CDH12: variants seen among roughly 807,000 people sequenced by gnomAD.
CDH12 encodes the protein cadherin-12.
Under a neutral mutation model 74.1 loss-of-function variants are expected in CDH12, and 41 were observed. The ratio of observed to expected loss-of-function variants is 0.55; its 90% CI spans 0.43 to 0.72. The LOEUF (loss-of-function observed/expected upper bound fraction) is 0.72. Ranked by LOEUF, CDH12 falls within the 30% of genes least tolerant of loss-of-function variation. The pLI is 0.00. For synonymous variants in CDH12, 399 were observed against 355.0 expected, an observed-to-expected ratio of 1.12 and a Z score of -1.39; for missense variants, 945 against 977.2, an observed-to-expected ratio of 0.97 and a Z score of 0.44.
At chr5:22,723,385 T>TA (rs1236810149) in intron 1 of CDH12, among the ~76,000 whole-genome samples, 2 of 152,136 alleles carry the variant, frequency 1.3e-5, no homozygotes, top group African/African-American at 2.4e-5. Context: ...TGCATTTCTG[T>TA]AATGTGCCCA....
intron 1 of CDH12, among the ~76,000 whole-genome samples, chr5:22,736,220 T>C (rs1744711796): frequency 6.6e-6 from 1 of 151,838 alleles, no homozygotes; most frequent in African/African-American, 2.4e-5. Context: ...TTTAAACCAT[T>C]AATTAATTAG....
At chr5:22,733,824 C>T (rs889607954) in intron 1 of CDH12, among the ~76,000 whole-genome samples, 9 of 151,830 alleles carry the variant, frequency 5.9e-5, no homozygotes, top group Middle Eastern at 3.2e-3. Flanking sequence ...CTTATTTTAG[C>T]CTCTTCTTTC....
chr5:22,566,914 T>A lies in CDH12; in HGVS notation c.-522-61550A>T, dbSNP rs138225226. On this transcript the variant is annotated intron_variant, in intron 1 of 14. Transcript: ENST00000382254. The stretch of plus-strand genomic sequence containing the variant: ...TCATGTGCTGTACATTCTATAGAGA[T>A]TTTGTAAGTAAGAAAGGCTTCTGAA... Among the ~76,000 whole-genome samples the A allele has an allele frequency of 6.5e-3, 996 of 152,186 alleles. 22 individuals are homozygous for A. Among genetic ancestry groups the A allele is most frequent in the Admixed American group, 0.048 (739 of 15,290 alleles).
intron 6 of CDH12, among the ~76,000 whole-genome samples, chr5:21,959,636 G>A (rs1417878654): frequency 6.6e-6 from 1 of 151,618 alleles, no homozygotes; most frequent in African/African-American, 2.4e-5. Flanking sequence ...GGGGCCGGGA[G>A]TGGTGGCTCA....
intron 3 of CDH12, among the ~76,000 whole-genome samples, chr5:22,262,588 G>C (rs1580458364): frequency 6.6e-6 from 1 of 150,972 alleles, no homozygotes; most frequent in Admixed American, 6.6e-5. Flanking sequence ...GTGTGCATGT[G>C]TCTTTATAGC....
intron 1 of CDH12, among the ~76,000 whole-genome samples, chr5:22,603,623 G>A (rs1736954763): frequency 6.6e-6 from 1 of 152,122 alleles, no homozygotes. Context: ...AGAAGGCAAG[G>A]AAAGAAATGG....
At chr5:22,186,749 G>A (rs2150342270) in intron 4 of CDH12, among the ~76,000 whole-genome samples, 1 of 152,298 alleles carries the variant, frequency 6.6e-6, no homozygotes, top group South Asian at 2.1e-4. Context: ...GGGATTACAA[G>A]TGTGAGTCAC....
intron 8 of CDH12, among the ~76,000 whole-genome samples, chr5:21,826,337 C>T (rs1036254878): frequency 6.6e-6 from 1 of 152,176 alleles, no homozygotes; most frequent in African/African-American, 2.4e-5. Context: ...ACTCTCTCAG[C>T]AAGTAGTATT....
intron 1 of CDH12, among the ~76,000 whole-genome samples, chr5:22,816,449 G>A (rs140400421): frequency 5.7e-4 from 87 of 152,096 alleles, no homozygotes; most frequent in Middle Eastern, 3.4e-3. Context: ...TAATCAATGA[G>A]ACTGAAAAGG....
intron 1 of CDH12, among the ~76,000 whole-genome samples, chr5:22,830,688 A>G (rs1312649383): frequency 3.3e-5 from 5 of 151,658 alleles, no homozygotes; most frequent in African/African-American, 1.2e-4. Context: ...ATCATTTTTC[A>G]AATTGCCTTT....
intron 10 of CDH12, among the ~76,000 whole-genome samples, chr5:21,800,503 A>G (rs539691281): frequency 5.9e-5 from 9 of 152,266 alleles, no homozygotes; most frequent in East Asian, 3.9e-4. Flanking sequence ...AAGGGACTCT[A>G]GAGAGAGCTC....
chr5:22,413,769 T>A, intron 2 of CDH12, among the ~76,000 whole-genome samples: 1 of 152,036 alleles, frequency 6.6e-6, no homozygotes, highest in Non-Finnish European at 1.5e-5. Flanking sequence ...TTCTGCTATT[T>A]TATTTACTTT....
rs548175726 is a variant in CDH12, at chr5:22,760,399, G to A, written c.-523+92659C>T. On this transcript the variant is annotated intron_variant, in intron 1 of 14. Coordinates refer to ENST00000382254, the MANE Select transcript of CDH12 (RefSeq NM_004061.5). ...TAGGTATTTGAAAAAAGCGTAAATG[G>A]GCCGGGCGCGGTGGCTCCCGCCTGT... is the stretch of plus-strand genomic sequence containing the variant. Among the ~76,000 whole-genome samples, 347 of 152,150 alleles carry A rather than the reference G, an allele frequency of 2.3e-3. 3 individuals carry two copies. Among genetic ancestry groups the A allele is most frequent in the African/African-American group, 8.1e-3 (337 of 41,548 alleles).
chr5:21,963,290 C>A (rs1244451227), intron 6 of CDH12, among the ~76,000 whole-genome samples: 1 of 152,018 alleles, frequency 6.6e-6, no homozygotes, highest in Non-Finnish European at 1.5e-5. Context: ...TGGCTCTTGT[C>A]CCTCTACCCC....
At chr5:22,185,796 A>C (rs1171178767) in intron 4 of CDH12, among the ~76,000 whole-genome samples, 2 of 152,152 alleles carry the variant, frequency 1.3e-5, no homozygotes, top group African/African-American at 4.8e-5. Flanking sequence ...AATCAGTTCC[A>C]TTTACATTTA....
chr5:22,476,301 TTAAGA>T, intron 2 of CDH12, among the ~76,000 whole-genome samples: 2 of 152,190 alleles, frequency 1.3e-5, no homozygotes, highest in South Asian at 2.1e-4. Flanking sequence ...CTTGATGCAT[TTAAGA>T]TAAGTTAAGG....
At chr5:22,256,300 T>C (rs1459512792) in intron 3 of CDH12, among the ~76,000 whole-genome samples, 2 of 152,056 alleles carry the variant, frequency 1.3e-5, no homozygotes, top group Non-Finnish European at 2.9e-5. Flanking sequence ...TCCCATAAGA[T>C]TATAAAGGAG....
At chr5:22,493,029 A>G (rs115488060) in intron 2 of CDH12, among the ~76,000 whole-genome samples, 76 of 152,320 alleles carry the variant, frequency 5.0e-4, no homozygotes, top group African/African-American at 1.8e-3. Flanking sequence ...GGTGGTGTTC[A>G]CTTTTGTTCC....
At chr5:22,793,701 T>C (rs963064364) in intron 1 of CDH12, among the ~76,000 whole-genome samples, 3 of 151,940 alleles carry the variant, frequency 2.0e-5, no homozygotes, top group African/African-American at 7.3e-5. Flanking sequence ...TTTGCATAAG[T>C]CTCAGGAACA....
Sources: gnomAD v4.1 joint callset for allele counts (sites outside exome capture counted in the v4.1 genomes callset) on GRCh38, gnomAD v4.1.1 for gene constraint, MANE v1.5 for transcripts, NCBI Gene and HGNC (gene_info 2026-07-23, HGNC 2026-07-21) for gene names.